Variants in ANTXR2 observed in about 807,000 individuals in gnomAD.
The protein encoded by ANTXR2 is anthrax toxin receptor 2.
A neutral mutation model predicts 73.7 loss-of-function variants in ANTXR2; 44 were observed. The observed-to-expected ratio is 0.60, with a 90% CI of 0.47 to 0.77. The LOEUF (loss-of-function observed/expected upper bound fraction) is 0.77. Among genes scored for constraint, ANTXR2 ranks in the 30% least tolerant of loss-of-function variants. The pLI, the probability that ANTXR2 is intolerant of heterozygous loss-of-function variation, is 0.00. For synonymous variants in ANTXR2, 217 were observed against 205.9 expected (o/e 1.05, Z -0.46); for missense variants, 604 against 592.5 (o/e 1.02, Z -0.20).
At chr4:79,928,499 C>A (rs185943299) in intron 16 of ANTXR2, among the ~76,000 whole-genome samples, 1 of 151,926 alleles carries the variant, frequency 6.6e-6, no homozygotes, top group South Asian at 2.1e-4. Flanking sequence ...TTATTCAAAT[C>A]GTAAGTCTTA....
chr4:79,988,898 C>A (rs767073316), intron 12 of ANTXR2, among the ~76,000 whole-genome samples: 33 of 152,038 alleles, frequency 2.2e-4, no homozygotes, highest in Non-Finnish European at 3.8e-4. Flanking sequence ...AAATGACTTT[C>A]AGGCAAAGAG....
chr4:80,052,147 T>C (rs2110104843), intron 7 of ANTXR2, among the ~76,000 whole-genome samples: 1 of 151,812 alleles, frequency 6.6e-6, no homozygotes, highest in South Asian at 2.1e-4. Flanking sequence ...CTTAGCTTTA[T>C]GTAAATACAT....
In ANTXR2 at chr4:80,033,495, G is replaced by A. The variant is rs1445873711; in HGVS notation, c.773C>T (p.Thr258Ile). ...ACTCGTTGTATATGTTTCATTTACAGTGTAAGTGCAGAGAACACTGCCATT... is the reference window on the plus strand; with the variant it reads ...ACTCGTTGTATATGTTTCATTTACAATGTAAGTGCAGAGAACACTGCCATT... ...SRNGSVLCTY[T>I]VNETYTTSVK... is the part of the protein sequence containing the mutation. Residue 258 changes from threonine to isoleucine, a missense_variant, in exon 9 of 17, where the codon ACT becomes ATT. Coordinates refer to ENST00000403729, the MANE Select transcript of ANTXR2 (RefSeq NM_058172.6). 3 of 1,599,828 alleles carry A rather than the reference G, an allele frequency of 1.9e-6. No homozygotes were observed. The highest frequency in any genetic ancestry group is 2.6e-6 in the Non-Finnish European group (3 of 1,174,388).
At position 80,072,656 on chromosome 4, in the gene ANTXR2, G is replaced by A; in HGVS notation, c.-96C>T. ...GGGAGTCACCCGGCACGCACTCTGGGGTGGGGGGCGGCGAGCAGCTGAGAC... is the reference window on the plus strand; with the variant it reads ...GGGAGTCACCCGGCACGCACTCTGGAGTGGGGGGCGGCGAGCAGCTGAGAC... On this transcript the variant is annotated 5_prime_UTR_variant, in exon 1 of 17. Coordinates refer to ENST00000403729, the MANE Select transcript of ANTXR2 (RefSeq NM_058172.6). The A allele has an allele frequency of 7.5e-7, 1 of 1,342,012 alleles. No homozygotes were observed. The highest frequency in any genetic ancestry group is 9.5e-7 in the Non-Finnish European group (1 of 1,049,964). 83.1% of individuals were successfully genotyped at this position (1,342,012 alleles called of 1,614,324 possible).
chr4:79,991,002 A>G (rs1278641757), intron 12 of ANTXR2, among the ~76,000 whole-genome samples: 1 of 152,148 alleles, frequency 6.6e-6, no homozygotes, highest in Non-Finnish European at 1.5e-5. Context: ...AAAACTCTAA[A>G]AGAAAACCTG....
intron 16 of ANTXR2, chr4:79,964,974 G>C (rs1310164272): frequency 6.6e-6 from 1 of 152,250 alleles, no homozygotes; most frequent in Non-Finnish European, 1.5e-5. Context: ...GAGAGGGCCC[G>C]AGCGGGAGAC....
At chr4:79,922,425 A>G (rs908349943) in intron 16 of ANTXR2, among the ~76,000 whole-genome samples, 1 of 152,110 alleles carries the variant, frequency 6.6e-6, no homozygotes, top group African/African-American at 2.4e-5. Flanking sequence ...GTTAACTAAC[A>G]TGAGTAAGTC....
chr4:80,028,272 G>A (rs1221389903), intron 10 of ANTXR2, among the ~76,000 whole-genome samples: 1 of 152,048 alleles, frequency 6.6e-6, no homozygotes, highest in Admixed American at 6.6e-5. Flanking sequence ...GACAGGATTT[G>A]CCCAGATAAC....
intron 2 of ANTXR2, 56 bp downstream of exon 2, chr4:80,071,527 A>G: frequency 1.4e-6 from 2 of 1,456,484 alleles, no homozygotes; most frequent in Non-Finnish European, 1.9e-6. Flanking sequence ...GAAAAGGGAA[A>G]TTCTACACTT....
intron 16 of ANTXR2, among the ~76,000 whole-genome samples, chr4:79,925,609 G>A (rs1368772704): frequency 6.6e-6 from 1 of 151,934 alleles, no homozygotes; most frequent in African/African-American, 2.4e-5. Flanking sequence ...CATTGTTCAG[G>A]TTCTGCAAAA....
At chr4:79,954,580 T>C (rs1055719239) in intron 16 of ANTXR2, among the ~76,000 whole-genome samples, 1 of 152,038 alleles carries the variant, frequency 6.6e-6, no homozygotes, top group Non-Finnish European at 1.5e-5. Flanking sequence ...GCCACTGGAC[T>C]CCAGCCCAGA....
intron 12 of ANTXR2, among the ~76,000 whole-genome samples, chr4:80,001,487 C>T (rs1281584766): frequency 6.6e-6 from 1 of 151,566 alleles, no homozygotes; most frequent in Non-Finnish European, 1.5e-5. Flanking sequence ...TTGCTTGTAC[C>T]CTATAAAAAG....
intron 3 of ANTXR2, among the ~76,000 whole-genome samples, chr4:80,057,522 A>G (rs1355252510): frequency 6.6e-6 from 1 of 151,996 alleles, no homozygotes; most frequent in Non-Finnish European, 1.5e-5. Flanking sequence ...ACAATGTTCA[A>G]GGTATGACCC....
At chr4:79,983,847 A>C in intron 14 of ANTXR2, 31 bp downstream of exon 14, 1 of 1,484,790 alleles carries the variant, frequency 6.7e-7, no homozygotes, top group Non-Finnish European at 9.4e-7. Context: ...ACTCCAGATT[A>C]GCAGCTTCTA....
intron 16 of ANTXR2, among the ~76,000 whole-genome samples, chr4:79,929,510 T>TCAACAA (rs201601780): frequency 2.0e-5 from 3 of 152,026 alleles, no homozygotes; most frequent in African/African-American, 7.2e-5. Flanking sequence ...AGACTCAGTA[T>TCAACAA]CAACAACAAC....
intron 16 of ANTXR2, among the ~76,000 whole-genome samples, chr4:79,959,194 A>G (rs1049670222): frequency 6.6e-6 from 1 of 152,076 alleles, no homozygotes; most frequent in Non-Finnish European, 1.5e-5. Flanking sequence ...TTATAATTTA[A>G]AAATTAATCA....
In ANTXR2 at chr4:80,069,999, C is replaced by CA. The variant is rs555219073; in HGVS notation, c.225-493dup. Among the ~76,000 whole-genome samples, 504 of 152,256 alleles carry CA rather than the reference C, an allele frequency of 3.3e-3. 1 individual carries two copies. Among genetic ancestry groups the CA allele is most frequent in the South Asian group, 0.014 (66 of 4,824 alleles). On this transcript the variant is annotated intron_variant, in intron 2 of 16. Transcript: ENST00000403729. ...AGAGTCATGGAAAATGTGAAAGAAA[C>CA]AATAAATCACTTTCTGCTTAGGCAT...
rs949855011 is a variant in ANTXR2, at chr4:79,962,077, A to C, written c.1428+15544T>G. Reference sequence around the variant, plus strand: ...CATATTCTGCATTTCACTTCAGGAAACCAGACTGAGTCAACACTTTTGCCA... The same window carrying C: ...CATATTCTGCATTTCACTTCAGGAACCCAGACTGAGTCAACACTTTTGCCA... On this transcript the variant is annotated intron_variant, in intron 16 of 16. Transcript: ENST00000403729. 1.1e-4 allele frequency among the ~76,000 whole-genome samples: 16 copies of C among 152,296 alleles called. No homozygotes were observed. The South Asian group carries it at 3.1e-3, about 30-fold the overall frequency.
At chr4:80,002,170 G>C (rs1210224254) in intron 12 of ANTXR2, among the ~76,000 whole-genome samples, 13 of 151,934 alleles carry the variant, frequency 8.6e-5, no homozygotes, top group South Asian at 8.3e-4. Context: ...TACTACAAGG[G>C]TACAGTAACC....
Sources: allele counts gnomAD v4.1 joint callset (sites outside exome capture counted in the v4.1 genomes callset), GRCh38; gene constraint gnomAD v4.1.1; transcripts MANE v1.5; gene names NCBI Gene and HGNC (gene_info 2026-07-23, HGNC 2026-07-21).